The following CDS2 variants were observed in gnomAD, a reference collection of about 807,000 sequenced individuals.
CDS2 encodes the protein phosphatidate cytidylyltransferase 2.
CDS2 carries 47 observed loss-of-function variants against 59.0 expected under a neutral mutation model. The ratio of observed to expected loss-of-function variants is 0.80; its 90% confidence interval spans 0.63 to 1.02. The LOEUF is 1.02. Ranked by LOEUF, CDS2 falls within the 50% of genes least tolerant of loss-of-function variation. CDS2 has a pLI of 0.00. For synonymous variants in CDS2, 207 were observed against 206.4 expected, an observed-to-expected ratio of 1.00 and a Z score of -0.02; for missense variants, 356 against 558.9, an observed-to-expected ratio of 0.64 and a Z score of 3.66.
intron 3 of CDS2, chr20:5,176,421 G>A: frequency 1.9e-6 from 1 of 515,980 alleles, no homozygotes; most frequent in Non-Finnish European, 3.5e-6. Context: ...AAACATCAGG[G>A]TGTGTATTTT....
chr20:5,138,921 T>A (rs114062696), intron 1 of CDS2, among the ~76,000 whole-genome samples: 1,872 of 152,172 alleles, frequency 0.012, 47 homozygotes, highest in African/African-American at 0.041. Flanking sequence ...CTGTATGGGA[T>A]CACAAAAGAT....
chr20:5,191,875 A>G lies in CDS2; in HGVS notation c.*1641A>G, dbSNP rs1824156062. The G allele has an allele frequency of 6.6e-6, 1 of 152,032 alleles. No individual in the cohort carries two copies. The highest frequency in any genetic ancestry group is 1.9e-4 in the East Asian group (1 of 5,192). The allele number at this position is 152,032 out of a possible 1,614,324, so 9.4% of individuals were successfully genotyped here. A position where few individuals can be genotyped will look rare whatever the true frequency, so the allele number is the denominator to read the frequency against. On this transcript the variant is annotated 3_prime_UTR_variant, in exon 13 of 13. Transcript: ENST00000460006. ...TTATCGCAAGGGCTTTCATTTCAGTATTGGCTGTGTCACTGGCAGGATGCA... is the reference window on the plus strand; with the variant it reads ...TTATCGCAAGGGCTTTCATTTCAGTGTTGGCTGTGTCACTGGCAGGATGCA...
Position 5,196,253 on chromosome 20 carries a change from C to G in CDS2, c.*6019C>G, listed in dbSNP as rs558624379. On this transcript the variant is annotated 3_prime_UTR_variant, in exon 13 of 13. Coordinates refer to ENST00000460006, the MANE Select transcript of CDS2 (RefSeq NM_003818.4). Reference sequence around the variant, plus strand: ...GACAGGCCAATCCCAGGCTTGCCCCCGAGCCCTCCTGTCCTTCTGGGTTTG... The same window carrying G: ...GACAGGCCAATCCCAGGCTTGCCCCGGAGCCCTCCTGTCCTTCTGGGTTTG... The G allele has an allele frequency of 2.0e-5, 3 of 152,206 alleles. No homozygotes were observed. Among genetic ancestry groups the G allele is most frequent in the Non-Finnish European group, 4.4e-5 (3 of 68,082 alleles). 9.4% of individuals were successfully genotyped at this position (152,206 alleles called of 1,614,324 possible).
At chr20:5,181,073 A>G (rs1034662349) in intron 5 of CDS2, among the ~76,000 whole-genome samples, 5 of 152,062 alleles carry the variant, frequency 3.3e-5, no homozygotes, top group African/African-American at 9.7e-5. Flanking sequence ...AGTAAAGCAA[A>G]ATAAGCAAAA....
chr20:5,138,510 A>C (rs1473881796), intron 1 of CDS2, among the ~76,000 whole-genome samples: 1 of 151,184 alleles, frequency 6.6e-6, no homozygotes, highest in Non-Finnish European at 1.5e-5. Flanking sequence ...TTTGAGATGG[A>C]GTTTTGCTCT....
chr20:5,167,813 A>C (rs1001237791), intron 1 of CDS2, among the ~76,000 whole-genome samples: 3 of 152,206 alleles, frequency 2.0e-5, no homozygotes, highest in Non-Finnish European at 4.4e-5. Context: ...TCCAGGAGAA[A>C]GTTGATAATT....
At chr20:5,168,083 TTAGTG>T (rs2090925694) in intron 1 of CDS2, among the ~76,000 whole-genome samples, 1 of 152,082 alleles carries the variant, frequency 6.6e-6, no homozygotes, top group East Asian at 1.9e-4. Context: ...TATGTTTTCT[TTAGTG>T]TAGTCCAGAG....
intron 1 of CDS2, among the ~76,000 whole-genome samples, chr20:5,153,277 A>G (rs1220601184): frequency 2.0e-5 from 3 of 152,220 alleles, no homozygotes; most frequent in African/African-American, 4.8e-5. Context: ...TTATTAAAGT[A>G]TAACATATGT....
At chr20:5,167,279 G>A (rs139180212) in intron 1 of CDS2, among the ~76,000 whole-genome samples, 59 of 152,262 alleles carry the variant, frequency 3.9e-4, no homozygotes, top group African/African-American at 1.3e-3. Context: ...TAGAGATGCC[G>A]GAAGTGAAGC....
intron 1 of CDS2, among the ~76,000 whole-genome samples, chr20:5,135,434 GA>G (rs1221539917): frequency 6.6e-6 from 1 of 150,894 alleles, no homozygotes; most frequent in Non-Finnish European, 1.5e-5. Flanking sequence ...TGTTGGGGGT[GA>G]AAAAGTACAG....
At chr20:5,154,972 C>T (rs1265742800) in intron 1 of CDS2, among the ~76,000 whole-genome samples, 3 of 152,214 alleles carry the variant, frequency 2.0e-5, no homozygotes. Context: ...CTGCTTAGAG[C>T]ATTTCCTGTT....
chr20:5,159,474 A>C (rs1244074316), intron 1 of CDS2, among the ~76,000 whole-genome samples: 1 of 152,128 alleles, frequency 6.6e-6, no homozygotes, highest in Non-Finnish European at 1.5e-5. Context: ...CAGTAATTTA[A>C]AAGTATATTA....
At chr20:5,159,423 A>G (rs942518832) in intron 1 of CDS2, among the ~76,000 whole-genome samples, 4 of 150,282 alleles carry the variant, frequency 2.7e-5, no homozygotes, top group Non-Finnish European at 2.9e-5. Flanking sequence ...TGGTCTTGAT[A>G]AATTCATTTG....
intron 6 of CDS2, among the ~76,000 whole-genome samples, chr20:5,182,646 C>T (rs2091039849): frequency 6.6e-6 from 1 of 152,208 alleles, no homozygotes; most frequent in Non-Finnish European, 1.5e-5. Flanking sequence ...CTGTTACTTA[C>T]ACCTTAAGCA....
In CDS2 at chr20:5,183,136, A is replaced by T; in HGVS notation, c.664A>T (p.Met222Leu). ...HLVIHNLFEGMIWFIVPISCV... is the reference protein window; with the variant it reads ...HLVIHNLFEGLIWFIVPISCV... ...TGTTATCCACAACCTATTTGAAGGA[A>T]TGATCTGGTGAGAATTGGGAGTTGG... Residue 222 changes from methionine (M) to leucine (L), a missense_variant, in exon 7 of 13, where the codon ATG (methionine) becomes TTG (leucine). Transcript: ENST00000460006. 2 of 1,613,572 alleles carry T rather than the reference A, an allele frequency of 1.2e-6. No homozygotes were observed. Among genetic ancestry groups the T allele is most frequent in the Non-Finnish European group, 1.7e-6 (2 of 1,179,490 alleles).
At position 5,184,629 on chromosome 20, in the gene CDS2, C is replaced by T. The variant is rs2091054188; in HGVS notation, c.672-229C>T. Among the ~76,000 whole-genome samples the T allele has an allele frequency of 1.3e-5, 2 of 152,160 alleles. No individual in the cohort carries two copies. The highest frequency in any genetic ancestry group is 6.5e-5 in the Admixed American group (1 of 15,274). On this transcript the variant is annotated intron_variant, in intron 7 of 12. Coordinates refer to ENST00000460006, the MANE Select transcript of CDS2 (RefSeq NM_003818.4). This position sits in a 1 kb window ranked among gnomAD's most constrained non-coding sequence, Gnocchi z 4.3. Reference sequence around the variant, plus strand: ...AAAGGACAGATGACCTTTTAGTTTGCAACCTCCACTTATTCAGTAGTCATT... The same window carrying T: ...AAAGGACAGATGACCTTTTAGTTTGTAACCTCCACTTATTCAGTAGTCATT...
At chr20:5,161,685 T>G (rs954911069) in intron 1 of CDS2, among the ~76,000 whole-genome samples, 1 of 152,248 alleles carries the variant, frequency 6.6e-6, no homozygotes. Flanking sequence ...TACCTAATAA[T>G]TTTTCCTTGT....
intron 1 of CDS2, among the ~76,000 whole-genome samples, chr20:5,168,456 T>TG (rs1471478240): frequency 1.7e-5 from 2 of 119,726 alleles, no homozygotes; most frequent in Non-Finnish European, 3.6e-5. Context: ...AAAAAAGAAA[T>TG]GGGGTATAGG....
rs2090972028 is a variant in CDS2 at position 5,173,550 on chromosome 20, G to A, written c.85G>A (p.Gly29Arg). 6.2e-7 allele frequency: 1 copy of A among 1,614,226 alleles called. No homozygotes were observed. The highest frequency in any genetic ancestry group is 8.5e-7 in the Non-Finnish European group (1 of 1,180,026). Residue 29 changes from glycine to arginine, a missense_variant, in exon 2 of 13, where the codon GGA (glycine) becomes AGA (arginine). This residue lies in a region of CDS2 where 107 missense variants were observed against 129.7 expected (regional missense o/e 0.82). Transcript: ENST00000460006. ...GTCAGAGTCAGAAGCAAAGGTAGAT[G>A]GAGAGACTGCATCGGACAGTGAGAG... is the stretch of plus-strand genomic sequence containing the variant. ...KESESEAKVD[G>R]ETASDSESRA...
Sources: gnomAD v4.1 joint callset for allele counts (sites outside exome capture counted in the v4.1 genomes callset) on GRCh38, gnomAD v4.1.1 for gene constraint, gnomAD v4.1.1 regional missense constraint, Gnocchi (gnomAD v3.1) non-coding constraint, MANE v1.5 for transcripts, NCBI Gene and HGNC (gene_info 2026-07-23, HGNC 2026-07-21) for gene names.